The following CHD2 variants were observed in gnomAD, a reference collection of about 807,000 sequenced individuals.
The protein encoded by CHD2 is ATP-dependent chromatin remodeler CHD2.
A neutral mutation model predicts 243.9 loss-of-function variants in CHD2; 28 were observed. That is an observed-to-expected ratio of 0.11 (90% CI 0.09 to 0.16). The LOEUF (loss-of-function observed/expected upper bound fraction) is 0.16. Among genes scored for constraint, CHD2 ranks in the 10% least tolerant of loss-of-function variants. The pLI is 1.00. For synonymous variants in CHD2, 775 were observed against 779.0 expected, an observed-to-expected ratio of 0.99 and a Z score of 0.09; for missense variants, 1,386 against 2,209.8, an observed-to-expected ratio of 0.63 and a Z score of 7.47.
rs1192719640 is a variant in CHD2 at position 92,996,986 on chromosome 15, A to G, written c.3625A>G (p.Thr1209Ala). 6.2e-7 allele frequency: 1 copy of G among 1,611,902 alleles called. No individual in the cohort carries two copies. ...GKGPGKRRGP[T>A]IKISGVQVNV... Reference sequence around the variant, plus strand: ...AGGACCAGGGAAAAGGAGAGGTCCAACAATCAAGATATCCGGAGTTCAGGT... The same window carrying G: ...AGGACCAGGGAAAAGGAGAGGTCCAGCAATCAAGATATCCGGAGTTCAGGT... Residue 1209 changes from threonine (T) to alanine (A), a missense_variant, in exon 29 of 39, where the codon ACA becomes GCA. By Grantham distance (58) the Thr-to-Ala change is moderately conservative (BLOSUM62 0). Transcript: ENST00000394196.
At chr15:92,962,682 A>G (rs997811175) in intron 16 of CHD2, among the ~76,000 whole-genome samples, 2 of 152,056 alleles carry the variant, frequency 1.3e-5, no homozygotes, top group African/African-American at 4.8e-5. Flanking sequence ...GTTGTTCAAG[A>G]CTTTTATATC....
intron 4 of CHD2, among the ~76,000 whole-genome samples, chr15:92,927,954 G>A (rs1452053320): frequency 6.6e-6 from 1 of 152,126 alleles, no homozygotes; most frequent in Non-Finnish European, 1.5e-5. Flanking sequence ...CTCATTTTGT[G>A]TGATATTTTT....
chr15:92,957,458 T>C (rs1198780131), intron 16 of CHD2, among the ~76,000 whole-genome samples: 1 of 152,198 alleles, frequency 6.6e-6, no homozygotes, highest in Non-Finnish European at 1.5e-5. Flanking sequence ...ATCCCTAACC[T>C]GTTTTAGTGT....
intron 2 of CHD2, chr15:92,901,548 CAA>C (rs2052529026): frequency 3.8e-6 from 2 of 529,248 alleles, no homozygotes; most frequent in Non-Finnish European, 6.7e-6. Flanking sequence ...TACCTTTATT[CAA>C]AGGGGCCTTT....
chr15:92,980,770 T>G, intron 22 of CHD2, 45 bp from the exon 23 acceptor site: 1 of 1,347,952 alleles, frequency 7.4e-7, no homozygotes, highest in Non-Finnish European at 1.1e-6. Flanking sequence ...TAGAACACTT[T>G]AGAGGTTATT....
Position 92,997,526 on chromosome 15 carries a change from GGAAATACTTCCA to G in CHD2, c.3885+124_3885+135del. 1 of 844,222 alleles carries G rather than the reference GGAAATACTTCCA, an allele frequency of 1.2e-6. No homozygotes were observed. Among genetic ancestry groups the G allele is most frequent in the Middle Eastern group, 3.7e-4 (1 of 2,736 alleles). 52.3% of individuals were successfully genotyped at this position (844,222 alleles called of 1,614,324 possible). A position where few individuals can be genotyped will look rare whatever the true frequency, so the allele number is the denominator to read the frequency against. On this transcript the variant is annotated intron_variant, in intron 30 of 38. Transcript: ENST00000394196. This position sits in a 1 kb window ranked among gnomAD's most constrained non-coding sequence, Gnocchi z 4.1. The stretch of plus-strand genomic sequence containing the variant: ...ATTAGAAATTAGTATAGTCATTCTT[GGAAATACTTCCA>G]TCTTTAGCAGATTGTGGCACTGTTT...
chr15:92,988,475 A>G (rs1232233763), intron 26 of CHD2, among the ~76,000 whole-genome samples: 2 of 152,138 alleles, frequency 1.3e-5, no homozygotes, highest in African/African-American at 4.8e-5. Flanking sequence ...CTATTATTCC[A>G]TGGGTGCTCT....
Position 93,009,201 on chromosome 15 carries a change from C to T in CHD2, c.4470C>T (p.Asp1490=). The T allele has an allele frequency of 2.5e-6, 4 of 1,614,192 alleles. No homozygotes were observed. The highest frequency in any genetic ancestry group is 3.4e-6 in the Non-Finnish European group (4 of 1,180,028). ...CACTGAAACAGCTCGACAAACCTGA[C>T]AAGGGGCTCAACGTGCAAGAACAGC... ...KKALKQLDKP[D]KGLNVQEQLE... The change falls in exon 35 of 39, where the codon GAC becomes GAT. Residue 1490 remains aspartate, a synonymous_variant. Coordinates refer to ENST00000394196, the MANE Select transcript of CHD2 (RefSeq NM_001271.4).
chr15:92,904,575 C>T, intron 2 of CHD2: 5 of 1,027,182 alleles, frequency 4.9e-6, no homozygotes, highest in African/African-American at 1.7e-5. Flanking sequence ...TCTTGTCCGC[C>T]CTTGCCTGTA....
chr15:92,925,935 C>A (rs1485395110), intron 3 of CHD2, among the ~76,000 whole-genome samples: 1 of 152,046 alleles, frequency 6.6e-6, no homozygotes. Context: ...TTGTTAAAGT[C>A]ATTGTTGATA....
At chr15:93,013,928 C>CAAAAAAAAAAAAAAA (rs35774813) in intron 36 of CHD2, among the ~76,000 whole-genome samples, 4 of 64,154 alleles carry the variant, frequency 6.2e-5, no homozygotes, top group Middle Eastern at 0.016. Flanking sequence ...GACTCTGTCT[C>CAAAAAAAAAAAAAAA]AAAAAAAAAA....
intron 33 of CHD2, among the ~76,000 whole-genome samples, chr15:93,002,728 A>G (rs1160670109): frequency 1.3e-5 from 2 of 152,218 alleles, no homozygotes; most frequent in Admixed American, 6.5e-5. Context: ...TGGAATATAA[A>G]TGGATGAAAA....
chr15:92,945,422 T>C (rs1483142848), intron 10 of CHD2: 5 of 149,250 alleles, frequency 3.4e-5, no homozygotes, highest in African/African-American at 1.2e-4. Flanking sequence ...GATGGTGTCT[T>C]GCTCTGTTGC....
Position 92,971,861 on chromosome 15 carries a change from C to T in CHD2, c.2286C>T (p.Cys762=). 6.2e-7 allele frequency: 1 copy of T among 1,613,766 alleles called. No homozygotes were observed. The highest frequency in any genetic ancestry group is 8.5e-7 in the Non-Finnish European group (1 of 1,179,830). The change falls in exon 18 of 39, where the codon TGC becomes TGT. Residue 762 remains cysteine (C), a synonymous_variant. Coordinates refer to ENST00000394196, the MANE Select transcript of CHD2 (RefSeq NM_001271.4). ...TTGTGATGGAACTGAAAAAATGTTG[C>T]AACCACTGCTATCTGATTAAACCCC... The part of the protein sequence containing the change: ...LNIVMELKKC[C]NHCYLIKPPE...
chr15:93,003,218 G>A (rs1033900493), intron 33 of CHD2, among the ~76,000 whole-genome samples: 1 of 151,184 alleles, frequency 6.6e-6, no homozygotes, highest in South Asian at 2.1e-4. Flanking sequence ...CCAGGAGCTC[G>A]AGGCTGCAGT....
chr15:92,916,491 G>A (rs989175437), intron 2 of CHD2, among the ~76,000 whole-genome samples: 1 of 152,120 alleles, frequency 6.6e-6, no homozygotes, highest in Non-Finnish European at 1.5e-5. Context: ...TATTTGCCTC[G>A]TCCTATACAA....
intron 16 of CHD2, among the ~76,000 whole-genome samples, chr15:92,958,537 T>C (rs982122478): frequency 6.6e-6 from 1 of 152,166 alleles, no homozygotes; most frequent in African/African-American, 2.4e-5. Flanking sequence ...ATTCAAAAAA[T>C]TGCAACCTCT....
intron 28 of CHD2, among the ~76,000 whole-genome samples, chr15:92,996,101 G>A (rs746045028): frequency 9.2e-5 from 14 of 151,820 alleles, no homozygotes; most frequent in South Asian, 8.3e-4. Flanking sequence ...CTATTTGGTT[G>A]GGGCTTCATT....
intron 5 of CHD2, among the ~76,000 whole-genome samples, chr15:92,933,802 C>T (rs1254677219): frequency 6.6e-6 from 1 of 152,176 alleles, no homozygotes; most frequent in Non-Finnish European, 1.5e-5. Flanking sequence ...GGCTGGGTCT[C>T]ACTCTGATGC....
Sources: allele counts gnomAD v4.1 joint callset (sites outside exome capture counted in the v4.1 genomes callset), GRCh38; gene constraint gnomAD v4.1.1; non-coding constraint Gnocchi (gnomAD v3.1); transcripts MANE v1.5; gene names NCBI Gene and HGNC (gene_info 2026-07-23, HGNC 2026-07-21).